Variants in THADA observed in about 807,000 individuals in gnomAD.
The protein encoded by THADA is tRNA (32-2'-O)-methyltransferase regulator THADA.
In THADA, 213 loss-of-function variants were observed where a neutral mutation model predicts 219.8. The ratio of observed to expected loss-of-function variants is 0.97; its 90% CI spans 0.87 to 1.09. The LOEUF is 1.09. Among genes scored for constraint, THADA ranks in the 50% least tolerant of loss-of-function variants. The pLI, the probability that THADA is intolerant of heterozygous loss-of-function variation, is 0.00. For synonymous variants in THADA, 1,018 were observed against 828.9 expected (o/e 1.23, Z -3.92); for missense variants, 2,956 against 2,311.3 (o/e 1.28, Z -5.72).
At chr2:43,499,424 T>G (rs1688649232) in intron 24 of THADA, among the ~76,000 whole-genome samples, 1 of 152,204 alleles carries the variant, frequency 6.6e-6, no homozygotes, top group African/African-American at 2.4e-5. Context: ...TCGCCCAGGC[T>G]GGAACAGAAT....
At chr2:43,514,634 ATTTT>A (rs1558887634) in intron 22 of THADA, among the ~76,000 whole-genome samples, 1 of 83,726 alleles carries the variant, frequency 1.2e-5, no homozygotes, top group African/African-American at 5.8e-5. Flanking sequence ...ATATATGTAT[ATTTT>A]ATATATAATA....
intron 36 of THADA, among the ~76,000 whole-genome samples, chr2:43,247,045 T>C (rs1224200411): frequency 6.6e-6 from 1 of 152,206 alleles, no homozygotes; most frequent in South Asian, 2.1e-4. Context: ...GCGGGATGGA[T>C]TGAAATTACC....
intron 21 of THADA, among the ~76,000 whole-genome samples, chr2:43,539,243 AGATC>A (rs1256472738): frequency 6.6e-6 from 1 of 152,260 alleles, no homozygotes; most frequent in Non-Finnish European, 1.5e-5. Context: ...CACTAGGCAC[AGATC>A]TAGCTTTGCC....
rs1190298391 is a variant in THADA, at chr2:43,591,984, C to T, written c.139G>A (p.Asp47Asn). 1.3e-6 allele frequency: 2 copies of T among 1,559,628 alleles called. No individual in the cohort carries two copies. The highest frequency in any genetic ancestry group is 1.4e-5 in the African/African-American group (1 of 73,932). ...SLLLHCVQLT[D>N]GVSQIHYIKQ... ...ATATAATGGATTTGTGACACTCCATCCGTGAGTTGCACACAATGTAACAGC... is the reference window on the plus strand; with the variant it reads ...ATATAATGGATTTGTGACACTCCATTCGTGAGTTGCACACAATGTAACAGC... Residue 47 changes from aspartate (D) to asparagine (N), a missense_variant, in exon 3 of 38, where the codon GAT (aspartate) becomes AAT (asparagine). By Grantham distance (23) the Asp-to-Asn change is conservative. Coordinates refer to ENST00000405975, the MANE Select transcript of THADA (RefSeq NM_022065.5).
At chr2:43,382,962 T>C (rs1245021998) in intron 29 of THADA, among the ~76,000 whole-genome samples, 5 of 151,980 alleles carry the variant, frequency 3.3e-5, no homozygotes, top group Non-Finnish European at 2.9e-5. Context: ...CAAAATAACA[T>C]TTTAAGAAAA....
At chr2:43,298,626 TAAC>T (rs999115323) in intron 31 of THADA, among the ~76,000 whole-genome samples, 5 of 151,754 alleles carry the variant, frequency 3.3e-5, no homozygotes, top group African/African-American at 9.7e-5. Context: ...AAATTGTAAT[TAAC>T]AACAGGAAGA....
At chr2:43,590,442 C>G (rs1312131519) in intron 4 of THADA, among the ~76,000 whole-genome samples, 1 of 151,944 alleles carries the variant, frequency 6.6e-6, no homozygotes, top group Non-Finnish European at 1.5e-5. Flanking sequence ...CTTTGGGAGG[C>G]TGAGAAGGCG....
At position 43,581,195 on chromosome 2, in the gene THADA, G is replaced by C. The variant is rs1166866062; in HGVS notation, c.721+546C>G. Among the ~76,000 whole-genome samples the C allele has an allele frequency of 2.0e-5, 3 of 151,942 alleles. No homozygotes were observed. In the East Asian group the frequency reaches 5.8e-4, roughly 29 times the overall value. On this transcript the variant is annotated intron_variant, in intron 8 of 37. Transcript: ENST00000405975. ...TTACAGCTTAATAAATTATTAAAAAGTGATCACCCTTGAACCTATCTTCCA... is the reference window on the plus strand; with the variant it reads ...TTACAGCTTAATAAATTATTAAAAACTGATCACCCTTGAACCTATCTTCCA...
chr2:43,327,579 C>T (rs967919168), intron 30 of THADA, among the ~76,000 whole-genome samples: 6 of 152,144 alleles, frequency 3.9e-5, no homozygotes, highest in Admixed American at 1.3e-4. Context: ...CCACTTGACA[C>T]ATATCTACCC....
At chr2:43,364,076 T>A (rs1669833339) in intron 29 of THADA, among the ~76,000 whole-genome samples, 1 of 143,926 alleles carries the variant, frequency 6.9e-6, no homozygotes, top group African/African-American at 2.9e-5. Flanking sequence ...TACAAAAAAT[T>A]ATATGGGTGT....
chr2:43,549,794 G>C lies in THADA; in HGVS notation c.2948-426C>G, dbSNP rs569454677. Among the ~76,000 whole-genome samples, 25 of 151,838 alleles carry C rather than the reference G, an allele frequency of 1.6e-4. No individual in the cohort carries two copies. In the South Asian group the frequency reaches 3.7e-3, roughly 23 times the overall value. ...GAAAAGTAGAAAAAAATCAATATTT[G>C]ATTTAAAATATAAATAAATATAAAA... On this transcript the variant is annotated intron_variant, in intron 19 of 37. Coordinates refer to ENST00000405975, the MANE Select transcript of THADA (RefSeq NM_022065.5).
chr2:43,374,932 G>C (rs1671205480), intron 29 of THADA, among the ~76,000 whole-genome samples: 1 of 151,854 alleles, frequency 6.6e-6, no homozygotes. Context: ...CAAAGGAAAA[G>C]ACCAAAAATC....
intron 31 of THADA, among the ~76,000 whole-genome samples, chr2:43,293,529 C>T (rs1674997072): frequency 1.3e-5 from 2 of 152,248 alleles, no homozygotes; most frequent in South Asian, 4.2e-4. Context: ...TCAAAGCTGA[C>T]CATGAGAAGA....
At chr2:43,318,276 A>G (rs996076184) in intron 31 of THADA, among the ~76,000 whole-genome samples, 8 of 152,106 alleles carry the variant, frequency 5.3e-5, no homozygotes, top group African/African-American at 1.7e-4. Context: ...TCTGGCCTCA[A>G]GCAATCCTCC....
At chr2:43,306,367 T>C (rs995798286) in intron 31 of THADA, among the ~76,000 whole-genome samples, 2 of 152,154 alleles carry the variant, frequency 1.3e-5, no homozygotes, top group African/African-American at 4.8e-5. Context: ...AATCAGAAAT[T>C]TGTCCACCAT....
At chr2:43,407,410 T>C (rs1227505772) in intron 28 of THADA, among the ~76,000 whole-genome samples, 1 of 152,234 alleles carries the variant, frequency 6.6e-6, no homozygotes, top group Non-Finnish European at 1.5e-5. Flanking sequence ...GAACCTATGA[T>C]AGCTCTCTAT....
intron 11 of THADA, 108 bp downstream of exon 11, chr2:43,574,228 T>G: frequency 3.8e-6 from 3 of 789,846 alleles, no homozygotes; most frequent in East Asian, 5.5e-5. Flanking sequence ...CTTCCTTTAC[T>G]ATTTATAGAA....
intron 8 of THADA, among the ~76,000 whole-genome samples, chr2:43,581,091 C>T (rs989279530): frequency 2.0e-5 from 3 of 152,114 alleles, no homozygotes; most frequent in Admixed American, 6.5e-5. Context: ...TATATAAATA[C>T]TTGTGTTAGG....
At chr2:43,233,611 C>T (rs1424818932) in intron 36 of THADA, among the ~76,000 whole-genome samples, 1 of 151,986 alleles carries the variant, frequency 6.6e-6, no homozygotes, top group Non-Finnish European at 1.5e-5. Context: ...GTTTTTGGAC[C>T]CTTGTTTTCC....
Sources: allele counts gnomAD v4.1 joint callset (sites outside exome capture counted in the v4.1 genomes callset), GRCh38; gene constraint gnomAD v4.1.1; transcripts MANE v1.5; gene names NCBI Gene and HGNC (gene_info 2026-07-23, HGNC 2026-07-21).